Variants in AVPR1B observed in about 807,000 individuals in gnomAD.
AVPR1B encodes vasopressin V1b receptor.
A neutral mutation model predicts 27.5 loss-of-function variants in AVPR1B; 25 were observed. The observed-to-expected ratio is 0.91, with a 90% CI of 0.66 to 1.27. AVPR1B has a LOEUF of 1.27. AVPR1B is among the 50% of genes most tolerant of loss of function. The probability of loss-of-function intolerance (pLI) is 0.00; values close to 1 mark genes in which losing one functional copy is unlikely to be tolerated. For synonymous variants in AVPR1B, 248 were observed against 240.2 expected, an observed-to-expected ratio of 1.03 and a Z score of -0.30; for missense variants, 595 against 556.9, an observed-to-expected ratio of 1.07 and a Z score of -0.69.
chr1:206,110,540 A>G lies in AVPR1B; in HGVS notation c.941-17T>C, dbSNP rs782510550. 81 of 1,586,446 alleles carry G rather than the reference A, an allele frequency of 5.1e-5. No individual in the cohort carries two copies. The highest frequency in any genetic ancestry group is 6.9e-5 in the Non-Finnish European group (80 of 1,163,188). On this transcript the variant is annotated splice_polypyrimidine_tract_variant and intron_variant, in intron 1 of 1. Transcript: ENST00000367126. ...TGGTGGAATCTACCAAGAGAGAAGCATGAGAAGCCTCAGAATGGCAGCTCG... is the reference window on the plus strand; with the variant it reads ...TGGTGGAATCTACCAAGAGAGAAGCGTGAGAAGCCTCAGAATGGCAGCTCG...
rs143880088 is a variant in AVPR1B, at chr1:206,109,021, A to G, written c.*1168T>C. Among the ~76,000 whole-genome samples the G allele has an allele frequency of 1.2e-3, 176 of 152,348 alleles. 2 individuals are homozygous for G. The highest frequency in any genetic ancestry group is 4.0e-3 in the African/African-American group (168 of 41,588). ...AACTCTTCTAGACCCTGTTGGTTAT[A>G]ATATCCTTTGTGTTTCTCTGTAACA... On this transcript the variant is annotated 3_prime_UTR_variant, in exon 2 of 2. Coordinates refer to ENST00000367126, the MANE Select transcript of AVPR1B (RefSeq NM_000707.5).
Position 206,108,838 on chromosome 1 carries a change from C to T in AVPR1B, c.*1351G>A, listed in dbSNP as rs1663322463. ...AATGAGCATGTGCCATGCTCTTCCT[C>T]TACCTCGGTCTACCTTGGCCTGCAG... On this transcript the variant is annotated 3_prime_UTR_variant, in exon 2 of 2. Transcript: ENST00000367126. 6.6e-6 allele frequency among the ~76,000 whole-genome samples: 1 copy of T among 152,222 alleles called. No individual in the cohort carries two copies. Among genetic ancestry groups the T allele is most frequent in the Non-Finnish European group, 1.5e-5 (1 of 68,042 alleles).
chr1:206,116,461 G>A lies in AVPR1B; in HGVS notation c.430C>T (p.Gln144Ter). 6.2e-7 allele frequency: 1 copy of A among 1,613,948 alleles called. No individual in the cohort carries two copies. Among genetic ancestry groups the A allele is most frequent in the Non-Finnish European group, 8.5e-7 (1 of 1,180,034 alleles). Residue 144 changes from glutamine to a stop codon, truncating the protein, a stop_gained, in exon 1 of 2, where the codon CAG (glutamine) becomes TAG (stop). Coordinates refer to ENST00000367126, the MANE Select transcript of AVPR1B (RefSeq NM_000707.5). LOFTEE classifies it high-confidence loss of function. ...AGGTAGGTGGACTGGCCTGGCTGCT[G>A]GAGGCTGCGCAGGGGGTGACAGACA... ...LAVCHPLRSLQQPGQSTYLLI... is the reference protein window; with the variant it reads ...LAVCHPLRSL
At chr1:206,111,226 G>A (rs910288608) in intron 1 of AVPR1B, among the ~76,000 whole-genome samples, 9 of 152,166 alleles carry the variant, frequency 5.9e-5, no homozygotes, top group Non-Finnish European at 1.3e-4. Context: ...ACCAGAACTT[G>A]TTCTGTGTTC....
In AVPR1B at chr1:206,110,341, G is replaced by A. The variant is rs372765655; in HGVS notation, c.1123C>T (p.Arg375Cys). 354 of 1,610,032 alleles carry A rather than the reference G, an allele frequency of 2.2e-4. 1 individual carries two copies. Among genetic ancestry groups the A allele is most frequent in the Non-Finnish European group, 5.7e-5 (67 of 1,178,842 alleles). ...GAGCGGGTCAGCAGCGTGGTGTGGCGGCTCGAGAGGCTGCCGTCGGAGAGC... is the reference window on the plus strand; with the variant it reads ...GAGCGGGTCAGCAGCGTGGTGTGGCAGCTCGAGAGGCTGCCGTCGGAGAGC... ...RRLSDGSLSS[R>C]HTTLLTRSSC... The change falls in exon 2 of 2, where the codon CGC becomes TGC. Residue 375 changes from arginine to cysteine, a missense_variant. Transcript: ENST00000367126.
chr1:206,109,889 G>A lies in AVPR1B; in HGVS notation c.*300C>T. 1 of 370,614 alleles carries A rather than the reference G, an allele frequency of 2.7e-6. No individual in the cohort carries two copies. The highest frequency in any genetic ancestry group is 4.9e-6 in the Non-Finnish European group (1 of 204,162). 23.0% of individuals were successfully genotyped at this position (370,614 alleles called of 1,614,324 possible). ...CCCTAGACAGCACCATCCTAGGCCT[G>A]CCTAGATCTGGGACACCATGTGTGC... On this transcript the variant is annotated 3_prime_UTR_variant, in exon 2 of 2. Coordinates refer to ENST00000367126, the MANE Select transcript of AVPR1B (RefSeq NM_000707.5).
At position 206,111,894 on chromosome 1, in the gene AVPR1B, T is replaced by G. The variant is rs541394504; in HGVS notation, c.941-1371A>C. Among the ~76,000 whole-genome samples, 3 of 152,138 alleles carry G rather than the reference T, an allele frequency of 2.0e-5. No homozygotes were observed. The South Asian group carries it at 6.2e-4, about 32-fold the overall frequency. Reference sequence around the variant, plus strand: ...GAAGCACCTGGAAGTAGAAGAGGGATGATATGGTTTGGATGTCGGCTGGGC... The same window carrying G: ...GAAGCACCTGGAAGTAGAAGAGGGAGGATATGGTTTGGATGTCGGCTGGGC... On this transcript the variant is annotated intron_variant, in intron 1 of 1. Coordinates refer to ENST00000367126, the MANE Select transcript of AVPR1B (RefSeq NM_000707.5).
In AVPR1B at chr1:206,111,291, T is replaced by G. The variant is rs544420121; in HGVS notation, c.941-768A>C. On this transcript the variant is annotated intron_variant, in intron 1 of 1. Coordinates refer to ENST00000367126, the MANE Select transcript of AVPR1B (RefSeq NM_000707.5). ...TGCAGGGAAAAACTAATTTCTCTCT[T>G]GGGCAGTCAAAATGTGAGGATGCCA... 5.0e-3 allele frequency among the ~76,000 whole-genome samples: 713 copies of G among 142,486 alleles called. 1 individual carries two copies. Among genetic ancestry groups the G allele is most frequent in the Admixed American group, 7.4e-3 (110 of 14,900 alleles). The allele number at this position is 142,486 out of a possible 152,430, so 93.5% of individuals were successfully genotyped here. A position where few individuals can be genotyped will look rare whatever the true frequency, so the allele number is the denominator to read the frequency against.
Position 206,111,271 on chromosome 1 carries a change from G to A in AVPR1B, c.941-748C>T, listed in dbSNP as rs114823512. Among the ~76,000 whole-genome samples, 314 of 148,590 alleles carry A rather than the reference G, an allele frequency of 2.1e-3. 2 individuals carry two copies. Among genetic ancestry groups the A allele is most frequent in the African/African-American group, 7.7e-3 (298 of 38,612 alleles). ...GCCTAGGAACTGTACCTTTCTGCAG[G>A]GAAAAACTAATTTCTCTCTTGGGCA... On this transcript the variant is annotated intron_variant, in intron 1 of 1. Transcript: ENST00000367126.
Position 206,116,492 on chromosome 1 carries a change from G to A in AVPR1B, c.399C>T (p.Tyr133=). ...TGCGCAGGGGGTGACAGACAGCCAGGTAGCGGTCCAGCGTCATGGCCAGCA... is the reference window on the plus strand; with the variant it reads ...TGCGCAGGGGGTGACAGACAGCCAGATAGCGGTCCAGCGTCATGGCCAGCA... ...YMLLAMTLDR[Y]LAVCHPLRSL... Residue 133 remains tyrosine, a synonymous_variant, in exon 1 of 2, where the codon TAC becomes TAT. Transcript: ENST00000367126. 1 of 1,614,078 alleles carries A rather than the reference G, an allele frequency of 6.2e-7. No individual in the cohort carries two copies. The highest frequency in any genetic ancestry group is 8.5e-7 in the Non-Finnish European group (1 of 1,179,990).
rs782477652 is a variant in AVPR1B at position 206,110,393 on chromosome 1, C to G, written c.1071G>C (p.Gly357=). The G allele has an allele frequency of 6.2e-7, 1 of 1,612,494 alleles. No individual in the cohort carries two copies. The highest frequency in any genetic ancestry group is 1.1e-5 in the South Asian group (1 of 90,936). The part of the protein sequence containing the change: ...PRPLRHLACC[G]GPQPRMRRRL... ...GCCGGCGCATCCTGGGCTGGGGACC[C>G]CCACAGCAGGCAAGGTGACGCAGGG... The change falls in exon 2 of 2, where the codon GGG becomes GGC. Residue 357 remains glycine (G), a synonymous_variant. Coordinates refer to ENST00000367126, the MANE Select transcript of AVPR1B (RefSeq NM_000707.5).
Position 206,110,347 on chromosome 1 carries a change from A to C in AVPR1B, c.1117T>G (p.Ser373Ala), listed in dbSNP as rs781845888. 1.2e-6 allele frequency: 2 copies of C among 1,609,872 alleles called. No individual in the cohort carries two copies. Among genetic ancestry groups the C allele is most frequent in the Non-Finnish European group, 1.7e-6 (2 of 1,178,782 alleles). The change falls in exon 2 of 2, where the codon TCG (serine) becomes GCG (alanine). Residue 373 changes from serine (S) to alanine (A), a missense_variant. Ser to Ala is a moderately conservative substitution (Grantham distance 99). Transcript: ENST00000367126. ...MRRRLSDGSL[S>A]SRHTTLLTRS... is the part of the protein sequence containing the mutation. ...GTCAGCAGCGTGGTGTGGCGGCTCGAGAGGCTGCCGTCGGAGAGCCGCCGG... is the reference window on the plus strand; with the variant it reads ...GTCAGCAGCGTGGTGTGGCGGCTCGCGAGGCTGCCGTCGGAGAGCCGCCGG...
chr1:206,114,049 T>C (rs1663422140), intron 1 of AVPR1B, among the ~76,000 whole-genome samples: 1 of 152,210 alleles, frequency 6.6e-6, no homozygotes, highest in Admixed American at 6.5e-5. Flanking sequence ...AGAAGGGATA[T>C]TGTATTAAGA....
At chr1:206,112,958 C>T (rs1301728559) in intron 1 of AVPR1B, among the ~76,000 whole-genome samples, 1 of 152,222 alleles carries the variant, frequency 6.6e-6, no homozygotes, top group African/African-American at 2.4e-5. Flanking sequence ...TGGTTTCTGG[C>T]CTGCTCCCTA....
chr1:206,107,425 T>C lies in AVPR1B; in HGVS notation c.*2764A>G, dbSNP rs1401298513. ...GCCCAGACTGTCCAGGCGAGCCTCC[T>C]ACAGGTCCTGCAGAACTTTCACTCA... On this transcript the variant is annotated 3_prime_UTR_variant, in exon 2 of 2. Transcript: ENST00000367126. 1.3e-5 allele frequency among the ~76,000 whole-genome samples: 2 copies of C among 152,138 alleles called. No homozygotes were observed. Among genetic ancestry groups the C allele is most frequent in the African/African-American group, 4.8e-5 (2 of 41,412 alleles).
At chr1:206,110,997 C>T (rs1183384552) in intron 1 of AVPR1B, among the ~76,000 whole-genome samples, 2 of 152,214 alleles carry the variant, frequency 1.3e-5, no homozygotes, top group African/African-American at 4.8e-5. Flanking sequence ...ATTCACATGG[C>T]CTCCTGGACT....
intron 1 of AVPR1B, among the ~76,000 whole-genome samples, chr1:206,115,393 G>A (rs984544210): frequency 2.6e-5 from 4 of 152,110 alleles, no homozygotes; most frequent in East Asian, 1.9e-4. Flanking sequence ...TTCTTTGTTC[G>A]TGGCACCAAG....
In AVPR1B at chr1:206,116,550, T is replaced by A; in HGVS notation, c.341A>T (p.Gln114Leu). The change falls in exon 1 of 2, where the codon CAG becomes CTG. Residue 114 changes from glutamine to leucine, a missense_variant. Physicochemically the swap from Gln to Leu is moderately radical, Grantham distance 113. Transcript: ENST00000367126. The stretch of plus-strand genomic sequence containing the variant: ...GGTGGAGGCAAACATGCTGAGCACC[T>A]GCAGGTACTTGACGGCCCTGCACAG... Reference protein sequence around the residue: ...DLLCRAVKYLQVLSMFASTYM... With the variant: ...DLLCRAVKYLLVLSMFASTYM... 6.2e-7 allele frequency: 1 copy of A among 1,614,166 alleles called. No individual in the cohort carries two copies. Among genetic ancestry groups the A allele is most frequent in the Non-Finnish European group, 8.5e-7 (1 of 1,180,024 alleles).
At position 206,107,851 on chromosome 1, in the gene AVPR1B, G is replaced by T. The variant is rs1360590894; in HGVS notation, c.*2338C>A. On this transcript the variant is annotated 3_prime_UTR_variant, in exon 2 of 2. Coordinates refer to ENST00000367126, the MANE Select transcript of AVPR1B (RefSeq NM_000707.5). The stretch of plus-strand genomic sequence containing the variant: ...GCCATTGTTCCCCTCTCTAACATCT[G>T]TTGAGTGCTCTATCTCTAGTCTACA... Among the ~76,000 whole-genome samples, 2 of 152,302 alleles carry T rather than the reference G, an allele frequency of 1.3e-5. No individual in the cohort carries two copies. Among genetic ancestry groups the T allele is most frequent in the East Asian group, 3.9e-4 (2 of 5,174 alleles).
Sources: allele counts gnomAD v4.1 joint callset (sites outside exome capture counted in the v4.1 genomes callset), GRCh38; gene constraint gnomAD v4.1.1; transcripts MANE v1.5; gene names NCBI Gene and HGNC (gene_info 2026-07-23, HGNC 2026-07-21).